FAM184B: variants seen among roughly 807,000 people sequenced by gnomAD.
FAM184B encodes the protein family with sequence similarity 184 member B.
Under a neutral mutation model 135.9 loss-of-function variants are expected in FAM184B, and 111 were observed. The observed-to-expected ratio is 0.82, with a 90% CI of 0.70 to 0.96. The LOEUF (loss-of-function observed/expected upper bound fraction) is 0.96, where lower values mean the gene tolerates loss of function less well. Ranked by LOEUF, FAM184B falls within the 40% of genes least tolerant of loss-of-function variation. The pLI is 0.00. For synonymous variants in FAM184B, 552 were observed against 524.8 expected (o/e 1.05, Z -0.71); for missense variants, 1,375 against 1,323.9 (o/e 1.04, Z -0.60).
At chr4:17,641,937 G>T in intron 13 of FAM184B, 119 bp downstream of exon 13, 1 of 1,380,410 alleles carries the variant, frequency 7.2e-7, no homozygotes, top group Non-Finnish European at 9.5e-7. Context: ...TTGTGGGGCA[G>T]GATGCCGAGG....
chr4:17,680,727 A>C (rs1716417794), intron 7 of FAM184B, among the ~76,000 whole-genome samples: 1 of 152,126 alleles, frequency 6.6e-6, no homozygotes, highest in Non-Finnish European at 1.5e-5. Flanking sequence ...TCCTTTCCAA[A>C]CCATCTACTG....
chr4:17,663,809 T>C (rs113929633), intron 8 of FAM184B, among the ~76,000 whole-genome samples: 2,446 of 152,222 alleles, frequency 0.016, 27 homozygotes, highest in African/African-American at 0.025. Context: ...TGGGAGGTGA[T>C]TGGATCATGG....
At chr4:17,685,589 G>C (rs968464591) in intron 7 of FAM184B, among the ~76,000 whole-genome samples, 1 of 150,104 alleles carries the variant, frequency 6.7e-6, no homozygotes. Flanking sequence ...AGACTGAGGA[G>C]TTTCCTGGTG....
intron 1 of FAM184B, among the ~76,000 whole-genome samples, chr4:17,722,103 G>A (rs1213475377): frequency 6.6e-6 from 1 of 152,168 alleles, no homozygotes; most frequent in Non-Finnish European, 1.5e-5. Context: ...GTGTGGAGAG[G>A]GGGAGACGGA....
rs1247012790 is a variant in FAM184B at position 17,632,087 on chromosome 4, T to G, written c.*445A>C. Reference sequence around the variant, plus strand: ...TTTTTTTTTTTTTTTTTTTTTTTTTTGGAGACAGGGTCTCCCTCTGTCACC... The same window carrying G: ...TTTTTTTTTTTTTTTTTTTTTTTTTGGGAGACAGGGTCTCCCTCTGTCACC... On this transcript the variant is annotated 3_prime_UTR_variant, in exon 18 of 18. Coordinates refer to ENST00000265018, the MANE Select transcript of FAM184B (RefSeq NM_015688.2). 1 of 73,314 alleles carries G rather than the reference T, an allele frequency of 1.4e-5. No individual in the cohort carries two copies. The highest frequency in any genetic ancestry group is 2.7e-5 in the Non-Finnish European group (1 of 37,182). The allele number at this position is 73,314 out of a possible 1,614,324, so 4.5% of individuals were successfully genotyped here. A position where few individuals can be genotyped will look rare whatever the true frequency, so the allele number is the denominator to read the frequency against.
chr4:17,772,937 C>T (rs900268332), intron 1 of FAM184B, among the ~76,000 whole-genome samples: 2 of 152,202 alleles, frequency 1.3e-5, no homozygotes, highest in Admixed American at 6.5e-5. Flanking sequence ...GCTCTATAGG[C>T]CCAGTCCCTG....
At chr4:17,645,879 A>G in intron 12 of FAM184B, among the ~76,000 whole-genome samples, 1 of 151,934 alleles carries the variant, frequency 6.6e-6, no homozygotes. Context: ...ACAAATTTAC[A>G]ACAAAAAAAC....
chr4:17,640,450 C>A, intron 13 of FAM184B, among the ~76,000 whole-genome samples: 1 of 149,470 alleles, frequency 6.7e-6, no homozygotes, highest in African/African-American at 2.5e-5. Context: ...CACCACTGCA[C>A]TCCAGCCTGG....
chr4:17,760,184 C>T (rs879510894), intron 1 of FAM184B, among the ~76,000 whole-genome samples: 12 of 151,810 alleles, frequency 7.9e-5, no homozygotes, highest in African/African-American at 1.2e-4. Flanking sequence ...AACTGAAATC[C>T]GCTGGGCATG....
intron 5 of FAM184B, among the ~76,000 whole-genome samples, chr4:17,696,498 G>A (rs186748984): frequency 6.6e-6 from 1 of 152,240 alleles, no homozygotes; most frequent in East Asian, 1.9e-4. Context: ...TCAAGATAAA[G>A]AACATGGAAT....
intron 1 of FAM184B, among the ~76,000 whole-genome samples, chr4:17,752,695 A>C (rs1374576011): frequency 6.6e-6 from 1 of 152,188 alleles, no homozygotes; most frequent in Non-Finnish European, 1.5e-5. Flanking sequence ...TATCTTTTAA[A>C]AAGACACAAA....
chr4:17,777,703 A>C (rs746620468), intron 1 of FAM184B, among the ~76,000 whole-genome samples: 1 of 152,226 alleles, frequency 6.6e-6, no homozygotes, highest in Non-Finnish European at 1.5e-5. Context: ...ATAACATCTC[A>C]GGATATAGAT....
At chr4:17,752,986 T>A (rs541106787) in intron 1 of FAM184B, among the ~76,000 whole-genome samples, 3 of 152,260 alleles carry the variant, frequency 2.0e-5, no homozygotes, top group Non-Finnish European at 4.4e-5. Context: ...TTGCAGTGTT[T>A]CAATTTGCTT....
rs761757704 is a variant in FAM184B, at chr4:17,632,621, G to A, written c.3094C>T (p.Pro1032Ser). The A allele has an allele frequency of 3.9e-6, 6 of 1,538,732 alleles. No individual in the cohort carries two copies. The highest frequency in any genetic ancestry group is 1.2e-5 in the South Asian group (1 of 83,278). The change falls in exon 18 of 18, where the codon CCA becomes TCA. Residue 1032 changes from proline (P) to serine (S), a missense_variant. Physicochemically the swap from Pro to Ser is moderately conservative, Grantham distance 74 (BLOSUM62 -1). Coordinates refer to ENST00000265018, the MANE Select transcript of FAM184B (RefSeq NM_015688.2). Reference sequence around the variant, plus strand: ...TTGGCTTGGGCCGTTTCACCATCTGGGGTCCTAAAAGCAAAAAAAGGTTTT... The same window carrying A: ...TTGGCTTGGGCCGTTTCACCATCTGAGGTCCTAAAAGCAAAAAAAGGTTTT... Reference protein sequence around the residue: ...STDAKTATRTPDGETAQAKEV... With the variant: ...STDAKTATRTSDGETAQAKEV...
At chr4:17,744,597 G>A (rs1215890628) in intron 1 of FAM184B, among the ~76,000 whole-genome samples, 1 of 151,744 alleles carries the variant, frequency 6.6e-6, no homozygotes, top group Non-Finnish European at 1.5e-5. Context: ...CCATGTGCCT[G>A]TAATCCCAGC....
intron 1 of FAM184B, among the ~76,000 whole-genome samples, chr4:17,744,243 A>C (rs1718107203): frequency 1.3e-5 from 2 of 152,090 alleles, no homozygotes; most frequent in African/African-American, 2.4e-5. Context: ...CAGCAATACC[A>C]AGATTAGTGC....
At chr4:17,727,552 G>T (rs528978069) in intron 1 of FAM184B, among the ~76,000 whole-genome samples, 2 of 152,188 alleles carry the variant, frequency 1.3e-5, no homozygotes, top group Non-Finnish European at 2.9e-5. Context: ...CAATCATGGC[G>T]GAAGGTGAAG....
chr4:17,766,810 ACTC>A (rs1273866984), intron 1 of FAM184B, among the ~76,000 whole-genome samples: 1 of 152,266 alleles, frequency 6.6e-6, no homozygotes, highest in East Asian at 1.9e-4. Flanking sequence ...GAGCACCCGC[ACTC>A]CTCAGCCCCT....
chr4:17,692,465 A>C (rs1716761290), intron 6 of FAM184B, among the ~76,000 whole-genome samples: 1 of 152,270 alleles, frequency 6.6e-6, no homozygotes, highest in African/African-American at 2.4e-5. Flanking sequence ...CTTATCACTC[A>C]GCTAAAGAAA....
Sources: allele counts gnomAD v4.1 joint callset (sites outside exome capture counted in the v4.1 genomes callset), GRCh38; gene constraint gnomAD v4.1.1; transcripts MANE v1.5; gene names NCBI Gene and HGNC (gene_info 2026-07-23, HGNC 2026-07-21).